Variants in PTPRN2 observed in about 807,000 individuals in gnomAD.
PTPRN2 encodes the protein receptor-type tyrosine-protein phosphatase N2.
Under a neutral mutation model 118.8 loss-of-function variants are expected in PTPRN2, and 74 were observed. The ratio of observed to expected loss-of-function variants is 0.62; its 90% CI spans 0.52 to 0.76. PTPRN2 has a LOEUF of 0.76. Among genes scored for constraint, PTPRN2 ranks in the 30% least tolerant of loss-of-function variants. The pLI is 0.00. For synonymous variants in PTPRN2, 641 were observed against 608.0 expected (o/e 1.05, Z -0.80); for missense variants, 1,481 against 1,394.4 (o/e 1.06, Z -0.99).
intron 1 of PTPRN2, among the ~76,000 whole-genome samples, chr7:158,530,305 G>A (rs551736137): frequency 6.6e-6 from 1 of 152,246 alleles, no homozygotes; most frequent in Non-Finnish European, 1.5e-5. Context: ...ATTATTTTTT[G>A]TTTCTCTTCA....
At chr7:158,058,374 G>A in intron 11 of PTPRN2, among the ~76,000 whole-genome samples, 1 of 136,240 alleles carries the variant, frequency 7.3e-6, no homozygotes, top group Admixed American at 7.2e-5. Context: ...ACACATCACT[G>A]CAGCCACACT....
At chr7:158,316,987 G>T in intron 2 of PTPRN2, 55 bp from the exon 3 acceptor site, 1 of 1,377,350 alleles carries the variant, frequency 7.3e-7, no homozygotes. Context: ...TCAGAGAGCA[G>T]GAAGGTGTCA....
intron 1 of PTPRN2, among the ~76,000 whole-genome samples, chr7:158,576,624 G>A (rs899795896): frequency 2.0e-5 from 3 of 152,220 alleles, no homozygotes; most frequent in African/African-American, 7.2e-5. Flanking sequence ...GCACAGCATG[G>A]GGAGCCATGG....
intron 1 of PTPRN2, among the ~76,000 whole-genome samples, chr7:158,543,630 C>G (rs73510547): frequency 0.029 from 4,418 of 152,328 alleles, 222 homozygotes; most frequent in African/African-American, 0.099. Flanking sequence ...ATGTTAAGTG[C>G]TGCATTTTCC....
chr7:157,751,648 TTTAA>T (rs1012837715), intron 12 of PTPRN2, among the ~76,000 whole-genome samples: 6 of 151,622 alleles, frequency 4.0e-5, no homozygotes, highest in African/African-American at 1.2e-4. Context: ...CAAATGACTG[TTTAA>T]TTGAGGTTAC....
At chr7:157,746,527 A>G (rs1268087612) in intron 12 of PTPRN2, among the ~76,000 whole-genome samples, 1 of 143,906 alleles carries the variant, frequency 6.9e-6, no homozygotes, top group Non-Finnish European at 1.5e-5. Flanking sequence ...CGGGGCCCTG[A>G]GTGTGATCAC....
chr7:158,319,472 ACAAG>A lies in PTPRN2; in HGVS notation c.164-2544_164-2541del, dbSNP rs1474113062. On this transcript the variant is annotated intron_variant, in intron 2 of 22. Transcript: ENST00000389418. ...CACACGCACACAGCCTCCCTCACAC[ACAAG>A]CACAGCCTCCCTCACACTCACACAG... is the stretch of plus-strand genomic sequence containing the variant. Among the ~76,000 whole-genome samples, 42 of 56,530 alleles carry A rather than the reference ACAAG, an allele frequency of 7.4e-4. 1 individual carries two copies. The highest frequency in any genetic ancestry group is 1.9e-3 in the South Asian group (3 of 1,574). The allele number at this position is 56,530 out of a possible 152,430, so 37.1% of individuals were successfully genotyped here. A position where few individuals can be genotyped will look rare whatever the true frequency, so the allele number is the denominator to read the frequency against.
rs536301882 is a variant in PTPRN2, at chr7:158,387,771, C to T, written c.164-70839G>A. Among the ~76,000 whole-genome samples, 100 of 152,248 alleles carry T rather than the reference C, an allele frequency of 6.6e-4. 1 individual carries two copies. The highest frequency in any genetic ancestry group is 4.9e-3 in the Admixed American group (75 of 15,300). On this transcript the variant is annotated intron_variant, in intron 2 of 22. Coordinates refer to ENST00000389418, the MANE Select transcript of PTPRN2 (RefSeq NM_002847.5). ...GGAGATGGAATCCTGCTGTAGATGGCGGCAACATGAAGAGCTGTCAAAGTC... is the reference window on the plus strand; with the variant it reads ...GGAGATGGAATCCTGCTGTAGATGGTGGCAACATGAAGAGCTGTCAAAGTC...
intron 11 of PTPRN2, among the ~76,000 whole-genome samples, chr7:157,917,833 T>C (rs1468950989): frequency 6.6e-6 from 1 of 152,196 alleles, no homozygotes; most frequent in African/African-American, 2.4e-5. Context: ...CTCCTTATTG[T>C]TCATCTCTAG....
chr7:158,157,048 C>T (rs1195065452), intron 6 of PTPRN2, among the ~76,000 whole-genome samples: 1 of 150,764 alleles, frequency 6.6e-6, no homozygotes, highest in Admixed American at 6.6e-5. Context: ...ATTGTGCTTA[C>T]ACAGCGGACA....
At chr7:158,433,081 A>G (rs777685830) in intron 2 of PTPRN2, among the ~76,000 whole-genome samples, 8 of 152,212 alleles carry the variant, frequency 5.3e-5, no homozygotes, top group Non-Finnish European at 1.0e-4. Flanking sequence ...TTTGCGCAAT[A>G]TCCCATTTGT....
At chr7:158,421,205 G>A (rs80301844) in intron 2 of PTPRN2, among the ~76,000 whole-genome samples, 4,613 of 152,220 alleles carry the variant, frequency 0.03, 96 homozygotes, top group Middle Eastern at 0.079. Flanking sequence ...CACCTGTCAT[G>A]TCCTGCACAG....
intron 12 of PTPRN2, among the ~76,000 whole-genome samples, chr7:157,686,109 G>A (rs1413846200): frequency 6.6e-6 from 1 of 152,224 alleles, no homozygotes; most frequent in Non-Finnish European, 1.5e-5. Flanking sequence ...AGGGCGGGAC[G>A]CTGGACAGAG....
At chr7:158,352,914 C>T (rs12698219) in intron 2 of PTPRN2, among the ~76,000 whole-genome samples, 13,724 of 152,316 alleles carry the variant, frequency 0.09, 792 homozygotes, top group South Asian at 0.2. Context: ...CAGCTGCTTT[C>T]GCCGCACCAG....
At chr7:158,158,372 A>G (rs576214356) in intron 6 of PTPRN2, among the ~76,000 whole-genome samples, 2 of 152,374 alleles carry the variant, frequency 1.3e-5, no homozygotes, top group Admixed American at 1.3e-4. Context: ...CCCACCACCA[A>G]CACGACAAGG....
At position 157,933,247 on chromosome 7, in the gene PTPRN2, G is replaced by A. The variant is rs1251047489; in HGVS notation, c.1724-34510C>T. 2.1e-5 allele frequency among the ~76,000 whole-genome samples: 3 copies of A among 143,642 alleles called. No individual in the cohort carries two copies. The South Asian group carries it at 7.0e-4, about 33-fold the overall frequency. The allele number at this position is 143,642 out of a possible 152,430, so 94.2% of individuals were successfully genotyped here. A position where few individuals can be genotyped will look rare whatever the true frequency, so the allele number is the denominator to read the frequency against. On this transcript the variant is annotated intron_variant, in intron 11 of 22. Transcript: ENST00000389418. ...CACTCTGATTGACAGTTTTAGAGGAGGGGTGAGTCACTCATTGACAGTTTT... is the reference window on the plus strand; with the variant it reads ...CACTCTGATTGACAGTTTTAGAGGAAGGGTGAGTCACTCATTGACAGTTTT...
chr7:158,338,307 C>T (rs1186386857), intron 2 of PTPRN2, among the ~76,000 whole-genome samples: 2 of 63,412 alleles, frequency 3.2e-5, no homozygotes, highest in African/African-American at 1.5e-4. Flanking sequence ...CTCACACCCA[C>T]ACTGTCACCA....
chr7:158,155,596 CATCATCACCATCACCAT>C (rs1821703650), intron 6 of PTPRN2, among the ~76,000 whole-genome samples: 1 of 131,856 alleles, frequency 7.6e-6, no homozygotes, highest in Non-Finnish European at 1.7e-5. Flanking sequence ...TCATCACCAT[CATCATCACCATCACCAT>C]CAACACTATC....
chr7:158,056,017 T>C (rs970807858), intron 11 of PTPRN2, among the ~76,000 whole-genome samples: 37 of 152,066 alleles, frequency 2.4e-4, no homozygotes, highest in African/African-American at 8.9e-4. Context: ...GTGGGTGGAG[T>C]CCGGGCCGAG....
Sources: allele counts gnomAD v4.1 joint callset (sites outside exome capture counted in the v4.1 genomes callset), GRCh38; gene constraint gnomAD v4.1.1; transcripts MANE v1.5; gene names NCBI Gene and HGNC (gene_info 2026-07-23, HGNC 2026-07-21).